BMPER: variants seen among roughly 807,000 people sequenced by gnomAD.
The protein encoded by BMPER is BMP-binding endothelial regulator protein.
A neutral mutation model predicts 87.3 loss-of-function variants in BMPER; 45 were observed. That is an observed-to-expected ratio of 0.52 (90% confidence interval 0.41 to 0.66). BMPER has a LOEUF of 0.66. Among genes scored for constraint, BMPER ranks in the 30% least tolerant of loss-of-function variants. BMPER has a pLI of 0.00. For synonymous variants in BMPER, 326 were observed against 316.2 expected (o/e 1.03, Z -0.33); for missense variants, 784 against 867.5 (o/e 0.90, Z 1.21).
intron 11 of BMPER, chr7:34,067,135 A>T (rs546684763): frequency 6.6e-6 from 1 of 152,232 alleles, no homozygotes; most frequent in Non-Finnish European, 1.5e-5. Flanking sequence ...GGAAATATCA[A>T]ATTTCAGCAG....
chr7:33,972,681 G>A (rs1001796111), intron 5 of BMPER, among the ~76,000 whole-genome samples: 5 of 152,072 alleles, frequency 3.3e-5, no homozygotes, highest in East Asian at 1.9e-4. Flanking sequence ...CACACACACC[G>A]CGAGAATTGA....
intron 8 of BMPER, among the ~76,000 whole-genome samples, chr7:34,054,096 A>G (rs941966233): frequency 6.6e-6 from 1 of 152,162 alleles, no homozygotes; most frequent in Non-Finnish European, 1.5e-5. Context: ...CACCTTTGCT[A>G]GTTCTGTTTA....
intron 6 of BMPER, among the ~76,000 whole-genome samples, chr7:34,036,643 T>G (rs929393496): frequency 1.1e-4 from 17 of 152,080 alleles, no homozygotes; most frequent in Non-Finnish European, 2.2e-4. Flanking sequence ...GCTTTGCCTC[T>G]CCTCTCGGTT....
chr7:34,137,821 G>C (rs1026181656), intron 13 of BMPER, among the ~76,000 whole-genome samples: 1 of 152,220 alleles, frequency 6.6e-6, no homozygotes, highest in East Asian at 1.9e-4. Flanking sequence ...TAGAAAAGTA[G>C]GCTGAAGTCT....
chr7:34,138,252 G>A (rs1380866169), intron 13 of BMPER, among the ~76,000 whole-genome samples: 1 of 152,186 alleles, frequency 6.6e-6, no homozygotes, highest in African/African-American at 2.4e-5. Context: ...AGGCTTCTCT[G>A]CAGATGAGTT....
At chr7:34,142,433 C>T (rs965973541) in intron 13 of BMPER, among the ~76,000 whole-genome samples, 2 of 152,160 alleles carry the variant, frequency 1.3e-5, no homozygotes, top group African/African-American at 4.8e-5. Flanking sequence ...TAATATTATA[C>T]ACTAATGTAA....
intron 6 of BMPER, among the ~76,000 whole-genome samples, chr7:34,006,160 C>T (rs1245086334): frequency 2.0e-5 from 3 of 151,980 alleles, no homozygotes; most frequent in Non-Finnish European, 4.4e-5. Flanking sequence ...AAATAAACTG[C>T]TCTAACAGCT....
At chr7:34,117,496 G>A (rs1035140995) in intron 13 of BMPER, among the ~76,000 whole-genome samples, 1 of 152,164 alleles carries the variant, frequency 6.6e-6, no homozygotes, top group Non-Finnish European at 1.5e-5. Context: ...AAAGCTGTTA[G>A]GTTGATAATC....
chr7:34,153,647 C>G lies in BMPER; in HGVS notation c.*374C>G, dbSNP rs1219570117. ...AAGTTTTCTAAGAGCCCTCAATTGC[C>G]TGCCTGTATTAATTTTAGTTTTGAG... On this transcript the variant is annotated 3_prime_UTR_variant, in exon 15 of 15. Coordinates refer to ENST00000649409, the MANE Select transcript of BMPER (RefSeq NM_001365308.1). 5.3e-6 allele frequency: 1 copy of G among 187,424 alleles called. No individual in the cohort carries two copies. Among genetic ancestry groups the G allele is most frequent in the Non-Finnish European group, 1.1e-5 (1 of 88,396 alleles). The allele number at this position is 187,424 out of a possible 1,614,324, so 11.6% of individuals were successfully genotyped here.
intron 2 of BMPER, among the ~76,000 whole-genome samples, chr7:33,933,944 A>C (rs1239618625): frequency 3.9e-5 from 6 of 152,206 alleles, no homozygotes; most frequent in African/African-American, 1.2e-4. Flanking sequence ...GGTGAAAAAA[A>C]TGCACATAAG....
intron 13 of BMPER, among the ~76,000 whole-genome samples, chr7:34,104,897 G>A (rs1372371639): frequency 6.6e-6 from 1 of 152,170 alleles, no homozygotes; most frequent in Non-Finnish European, 1.5e-5. Flanking sequence ...GGAAGGGAAA[G>A]TGGAAGAAAT....
At chr7:34,075,158 G>A (rs1422759127) in intron 11 of BMPER, among the ~76,000 whole-genome samples, 1 of 152,164 alleles carries the variant, frequency 6.6e-6, no homozygotes, top group Non-Finnish European at 1.5e-5. Context: ...GTGGTTAGGA[G>A]AAAAGTATTG....
In BMPER at chr7:34,007,709, T is replaced by G. The variant is rs60981406; in HGVS notation, c.576+32925T>G. On this transcript the variant is annotated intron_variant, in intron 6 of 14. Coordinates refer to ENST00000649409, the MANE Select transcript of BMPER (RefSeq NM_001365308.1). ...ACTCATAGGTATAGGGGTAATTTAT[T>G]TATGCATGTAAGTATACATTTTTCT... Among the ~76,000 whole-genome samples the G allele has an allele frequency of 3.4e-4, 52 of 152,138 alleles. No individual in the cohort carries two copies. In the East Asian group the frequency reaches 9.9e-3, roughly 29 times the overall value.
intron 13 of BMPER, among the ~76,000 whole-genome samples, chr7:34,091,261 GA>G (rs1029704097): frequency 2.0e-5 from 3 of 152,144 alleles, no homozygotes; most frequent in African/African-American, 7.2e-5. Flanking sequence ...TTGTGTATGA[GA>G]AAAATCATAT....
At chr7:34,020,884 A>G (rs1230208069) in intron 6 of BMPER, among the ~76,000 whole-genome samples, 2 of 147,998 alleles carry the variant, frequency 1.4e-5, no homozygotes, top group Non-Finnish European at 1.5e-5. Context: ...ACACACACAC[A>G]CACACACGCA....
At chr7:33,974,592 A>G in intron 5 of BMPER, 110 bp from the exon 6 acceptor site, 1 of 1,053,458 alleles carries the variant, frequency 9.5e-7, no homozygotes, top group Non-Finnish European at 1.5e-6. Context: ...GTTGAAGAGG[A>G]CACTCAGCTG....
At chr7:34,111,410 G>T (rs1320889337) in intron 13 of BMPER, among the ~76,000 whole-genome samples, 12 of 152,188 alleles carry the variant, frequency 7.9e-5, no homozygotes, top group African/African-American at 2.9e-4. Flanking sequence ...CTTTGCTGTT[G>T]ATCCAATTGG....
At chr7:34,139,414 A>G (rs190817332) in intron 13 of BMPER, among the ~76,000 whole-genome samples, 4 of 152,358 alleles carry the variant, frequency 2.6e-5, no homozygotes, top group African/African-American at 4.8e-5. Flanking sequence ...TCTGATTTCA[A>G]TATTAATATC....
At chr7:34,089,753 G>A (rs1326965115) in intron 13 of BMPER, among the ~76,000 whole-genome samples, 2 of 152,206 alleles carry the variant, frequency 1.3e-5, no homozygotes, top group South Asian at 2.1e-4. Context: ...CAAAGTGCTG[G>A]GATTACAGGT....
Sources: allele counts gnomAD v4.1 joint callset (sites outside exome capture counted in the v4.1 genomes callset), GRCh38; gene constraint gnomAD v4.1.1; transcripts MANE v1.5; gene names NCBI Gene and HGNC (gene_info 2026-07-23, HGNC 2026-07-21).